The following IQSEC1 variants were observed in gnomAD, a reference collection of about 807,000 sequenced individuals.
IQSEC1 encodes the protein IQ motif and SEC7 domain-containing protein 1.
In IQSEC1, 31 loss-of-function variants were observed where a neutral mutation model predicts 91.0. The ratio of observed to expected loss-of-function variants is 0.34; its 90% confidence interval spans 0.26 to 0.46. The LOEUF (loss-of-function observed/expected upper bound fraction) is 0.46. Among genes scored for constraint, IQSEC1 ranks in the 20% least tolerant of loss-of-function variants. The pLI is 1.00. For missense variants in IQSEC1, 1,388 were observed against 1,575.6 expected, an observed-to-expected ratio of 0.88 and a Z score of 2.02; for synonymous variants, 699 against 662.6, an observed-to-expected ratio of 1.05 and a Z score of -0.84.
chr3:12,902,241 G>C (rs1694395394), intron 13 of IQSEC1, among the ~76,000 whole-genome samples: 1 of 152,100 alleles, frequency 6.6e-6, no homozygotes, highest in Admixed American at 6.5e-5. Flanking sequence ...TTTCTCTCAA[G>C]ACACTCCTCC....
rs141526547 is a variant in IQSEC1, at chr3:13,232,551, G to A, written c.272+50160C>T. Among the ~76,000 whole-genome samples, 258 of 152,328 alleles carry A rather than the reference G, an allele frequency of 1.7e-3. 1 individual carries two copies. The highest frequency in any genetic ancestry group is 5.9e-3 in the African/African-American group (245 of 41,570). On this transcript the variant is annotated intron_variant, in intron 1 of 15. Coordinates refer to the IQSEC1 transcript ENST00000648114. ...ACGGGGTGGTGACAAGCAGAGAGAG[G>A]ACCCAGCCTGGCCCGGCTGCAGGTC...
At position 12,979,819 on chromosome 3, in the gene IQSEC1, A is replaced by G. The variant is rs1701366014; in HGVS notation, c.24-37954T>C. 6.6e-6 allele frequency among the ~76,000 whole-genome samples: 1 copy of G among 152,102 alleles called. No homozygotes were observed. Among genetic ancestry groups the G allele is most frequent in the South Asian group, 2.1e-4 (1 of 4,820 alleles). On this transcript the variant is annotated intron_variant, in intron 1 of 13. Coordinates refer to ENST00000613206, the MANE Select transcript of IQSEC1 (RefSeq NM_001134382.3). The surrounding 1 kb of genome is among the most constrained non-coding windows in gnomAD (Gnocchi z 4.3). ...TCACCAAGAGCTGAGCCTGTGCCTCACCCGGAATCGTTTCGCGGCCTGGAT... is the reference window on the plus strand; with the variant it reads ...TCACCAAGAGCTGAGCCTGTGCCTCGCCCGGAATCGTTTCGCGGCCTGGAT...
intron 1 of IQSEC1, among the ~76,000 whole-genome samples, chr3:12,991,579 C>G (rs1340969035): frequency 3.3e-5 from 5 of 152,188 alleles, no homozygotes; most frequent in Non-Finnish European, 7.3e-5. Flanking sequence ...GGGCTCTGGT[C>G]AACTCTCCTA....
At chr3:12,975,400 T>G (rs548042087) in intron 1 of IQSEC1, among the ~76,000 whole-genome samples, 2 of 152,352 alleles carry the variant, frequency 1.3e-5, no homozygotes, top group African/African-American at 4.8e-5. Context: ...TGCCTCTTCC[T>G]GCAGCCTCCT....
chr3:12,921,465 C>T (rs1172713487), intron 5 of IQSEC1, among the ~76,000 whole-genome samples: 9 of 152,230 alleles, frequency 5.9e-5, no homozygotes, highest in Non-Finnish European at 1.2e-4. Flanking sequence ...CCAGTCTGCA[C>T]GTGATCCCAG....
At chr3:12,913,403 A>G (rs750534984) in intron 9 of IQSEC1, 25 bp downstream of exon 9, 24 of 1,572,604 alleles carry the variant, frequency 1.5e-5, no homozygotes, top group Non-Finnish European at 2.1e-5. Context: ...TCCCTGCTAC[A>G]ATGCCTTGTG....
At chr3:13,055,129 C>T (rs1006254908) in intron 1 of IQSEC1, among the ~76,000 whole-genome samples, 7 of 152,350 alleles carry the variant, frequency 4.6e-5, no homozygotes, top group Admixed American at 6.5e-5. Context: ...GGGCACAGTG[C>T]GGCGATTGTC....
At chr3:13,280,108 G>A (rs536853383) in intron 1 of IQSEC1, among the ~76,000 whole-genome samples, 3 of 152,246 alleles carry the variant, frequency 2.0e-5, no homozygotes, top group African/African-American at 4.8e-5. Flanking sequence ...CCTGCTTTGC[G>A]TGCATTTCAG....
intron 1 of IQSEC1, among the ~76,000 whole-genome samples, chr3:13,263,766 G>A (rs1695436260): frequency 6.6e-6 from 1 of 151,824 alleles, no homozygotes; most frequent in South Asian, 2.1e-4. Flanking sequence ...TTTAAAGTAG[G>A]TACTCACCCA....
At chr3:13,080,086 GA>G (rs1414067062) in intron 2 of IQSEC1, among the ~76,000 whole-genome samples, 3 of 152,224 alleles carry the variant, frequency 2.0e-5, no homozygotes, top group African/African-American at 7.2e-5. Flanking sequence ...AGAAAGTCAT[GA>G]GACAACCTGC....
intron 2 of IQSEC1, among the ~76,000 whole-genome samples, chr3:13,147,949 A>T (rs2124952671): frequency 6.6e-6 from 1 of 152,144 alleles, no homozygotes; most frequent in East Asian, 1.9e-4. Context: ...TGTCTTTTTG[A>T]TATAGTGACT....
chr3:13,101,914 T>G (rs1044695943), intron 2 of IQSEC1, among the ~76,000 whole-genome samples: 2 of 146,312 alleles, frequency 1.4e-5, no homozygotes, highest in Non-Finnish European at 3.0e-5. Flanking sequence ...ACGAGTTAAG[T>G]GCTTTGAAAC....
chr3:13,041,777 T>C (rs1297342782), intron 1 of IQSEC1, among the ~76,000 whole-genome samples: 1 of 152,120 alleles, frequency 6.6e-6, no homozygotes, highest in African/African-American at 2.4e-5. Flanking sequence ...GAAACAGGCT[T>C]AAAGAGGGAA....
chr3:13,048,218 G>A (rs181077294), intron 1 of IQSEC1, among the ~76,000 whole-genome samples: 175 of 152,278 alleles, frequency 1.1e-3, no homozygotes, highest in African/African-American at 4.0e-3. Flanking sequence ...TCTCTCACAG[G>A]GGCAACGAAT....
chr3:13,080,462 T>C (rs1705631112), intron 2 of IQSEC1, among the ~76,000 whole-genome samples: 1 of 152,080 alleles, frequency 6.6e-6, no homozygotes, highest in Non-Finnish European at 1.5e-5. Context: ...ATATAACCCC[T>C]GCCCCCTTGT....
At chr3:13,242,568 G>A (rs968720502) in intron 1 of IQSEC1, among the ~76,000 whole-genome samples, 4 of 152,192 alleles carry the variant, frequency 2.6e-5, no homozygotes, top group Non-Finnish European at 4.4e-5. Flanking sequence ...CTCTGTGTCC[G>A]TCCACTACAC....
intron 1 of IQSEC1, among the ~76,000 whole-genome samples, chr3:12,991,101 G>A (rs1701967895): frequency 6.6e-6 from 1 of 152,178 alleles, no homozygotes; most frequent in African/African-American, 2.4e-5. Context: ...GAGTCTGGAA[G>A]ACTGGTATAT....
chr3:13,227,375 C>CAAAAAAAAA (rs753199634), intron 1 of IQSEC1, among the ~76,000 whole-genome samples: 5 of 69,912 alleles, frequency 7.2e-5, no homozygotes, highest in East Asian at 4.4e-4. Context: ...GACTCTGTCT[C>CAAAAAAAAA]AAAAAAAAAA....
In IQSEC1 at chr3:12,935,349, G is replaced by T; in HGVS notation, c.1568+99C>A. Reference sequence around the variant, plus strand: ...CTTCCTATGCTCATAGGCCACGGTGGACCTCAAGCTCCGTGCTTGGAAGGA... The same window carrying T: ...CTTCCTATGCTCATAGGCCACGGTGTACCTCAAGCTCCGTGCTTGGAAGGA... On this transcript the variant is annotated intron_variant, in intron 3 of 13. Coordinates refer to ENST00000613206, the MANE Select transcript of IQSEC1 (RefSeq NM_001134382.3). The surrounding 1 kb of genome is among the most constrained non-coding windows in gnomAD (Gnocchi z 8.0). 1 of 1,208,274 alleles carries T rather than the reference G, an allele frequency of 8.3e-7. No individual in the cohort carries two copies. The highest frequency in any genetic ancestry group is 1.2e-6 in the Non-Finnish European group (1 of 853,424). The allele number at this position is 1,208,274 out of a possible 1,614,324, so 74.8% of individuals were successfully genotyped here. A position where few individuals can be genotyped will look rare whatever the true frequency, so the allele number is the denominator to read the frequency against.
Sources: allele counts gnomAD v4.1 joint callset (sites outside exome capture counted in the v4.1 genomes callset), GRCh38; gene constraint gnomAD v4.1.1; non-coding constraint Gnocchi (gnomAD v3.1); transcripts MANE v1.5; gene names NCBI Gene and HGNC (gene_info 2026-07-23, HGNC 2026-07-21).